AGPAT4: variants seen among roughly 807,000 people sequenced by gnomAD.
AGPAT4 encodes the protein 1-acylglycerol-3-phosphate O-acyltransferase 4.
In AGPAT4, 15 loss-of-function variants were observed where a neutral mutation model predicts 48.0. The ratio of observed to expected loss-of-function variants is 0.31; its 90% CI spans 0.21 to 0.48. The LOEUF is 0.48. Ranked by LOEUF, AGPAT4 falls within the 20% of genes least tolerant of loss-of-function variation. AGPAT4 has a pLI of 0.99. For synonymous variants in AGPAT4, 178 were observed against 198.7 expected, an observed-to-expected ratio of 0.90 and a Z score of 0.88; for missense variants, 314 against 482.5, an observed-to-expected ratio of 0.65 and a Z score of 3.27.
Position 161,267,732 on chromosome 6 carries a change from A to C in AGPAT4, c.-90+6206T>G, listed in dbSNP as rs1327711234. On this transcript the variant is annotated intron_variant, in intron 1 of 8. Coordinates refer to ENST00000320285, the MANE Select transcript of AGPAT4 (RefSeq NM_020133.3). The surrounding 1 kb of genome is among the most constrained non-coding windows in gnomAD (Gnocchi z 5.2). ...AACAAAACTCTGTCTCAAAAAAAAA[A>C]AGAAAAGAAAAATATTAGCTGGGCA... Among the ~76,000 whole-genome samples, 1 of 152,096 alleles carries C rather than the reference A, an allele frequency of 6.6e-6. No homozygotes were observed. The highest frequency in any genetic ancestry group is 2.4e-5 in the African/African-American group (1 of 41,424).
rs1024058039 is a variant in AGPAT4 at position 161,135,712 on chromosome 6, C to T, written c.*828G>A. The T allele has an allele frequency of 8.5e-5, 13 of 152,210 alleles. No homozygotes were observed. Among genetic ancestry groups the T allele is most frequent in the African/African-American group, 2.9e-4 (12 of 41,442 alleles). 9.4% of individuals were successfully genotyped at this position (152,210 alleles called of 1,614,324 possible). ...CATCTCACAAATCACTGCAGAATGC[C>T]CAGGCTGTACGTTCATGATGTTTGT... On this transcript the variant is annotated 3_prime_UTR_variant, in exon 9 of 9. Coordinates refer to ENST00000320285, the MANE Select transcript of AGPAT4 (RefSeq NM_020133.3).
intron 5 of AGPAT4, among the ~76,000 whole-genome samples, chr6:161,150,698 CTG>C (rs1779564390): frequency 6.6e-6 from 1 of 152,212 alleles, no homozygotes; most frequent in African/African-American, 2.4e-5. Flanking sequence ...GAAGGCGGGA[CTG>C]TTCTCCTGAG....
At chr6:161,160,104 A>ATTTTTTTTTTTTTTTTTTT (rs5881394) in intron 3 of AGPAT4, 2 of 74,008 alleles carry the variant, frequency 2.7e-5, no homozygotes, top group Non-Finnish European at 4.8e-5. Flanking sequence ...CACCCAGCTA[A>ATTTTTTTTTTTTTTTTTTT]TTTTTTTTTT....
At chr6:161,207,735 G>T (rs1192336390) in intron 2 of AGPAT4, among the ~76,000 whole-genome samples, 1 of 152,184 alleles carries the variant, frequency 6.6e-6, no homozygotes, top group African/African-American at 2.4e-5. Context: ...GGGGAAATGG[G>T]GATGGAGTGG....
rs1291066356 is a variant in AGPAT4, at chr6:161,197,444, C to G, written c.179-31027G>C. Among the ~76,000 whole-genome samples, 1 of 152,176 alleles carries G rather than the reference C, an allele frequency of 6.6e-6. No homozygotes were observed. The highest frequency in any genetic ancestry group is 1.5e-5 in the Non-Finnish European group (1 of 68,030). Reference sequence around the variant, plus strand: ...CAACATCTAAACCTAGTTGGCCCCTCCTCTGGGAAATCTTCCACAGTGATA... The same window carrying G: ...CAACATCTAAACCTAGTTGGCCCCTGCTCTGGGAAATCTTCCACAGTGATA... On this transcript the variant is annotated intron_variant, in intron 2 of 8. Transcript: ENST00000320285. This position sits in a 1 kb window ranked among gnomAD's most constrained non-coding sequence, Gnocchi z 5.7.
intron 1 of AGPAT4, among the ~76,000 whole-genome samples, chr6:161,271,983 A>T (rs1783438207): frequency 6.6e-6 from 1 of 152,190 alleles, no homozygotes; most frequent in South Asian, 2.1e-4. Context: ...GTGTACTAAC[A>T]TGTGCTTTTC....
In AGPAT4 at chr6:161,214,656, C is replaced by G. The variant is rs915965377; in HGVS notation, c.178+17380G>C. Among the ~76,000 whole-genome samples, 6 of 152,186 alleles carry G rather than the reference C, an allele frequency of 3.9e-5. No individual in the cohort carries two copies. Among genetic ancestry groups the G allele is most frequent in the Admixed American group, 6.5e-5 (1 of 15,280 alleles). On this transcript the variant is annotated intron_variant, in intron 2 of 8. Coordinates refer to ENST00000320285, the MANE Select transcript of AGPAT4 (RefSeq NM_020133.3). The surrounding 1 kb of genome is among the most constrained non-coding windows in gnomAD (Gnocchi z 5.4). ...TGGTGGCACACACCTGTAGTCCCAG[C>G]TACTCGGGAGGCTGAGGCAGGAGAA...
chr6:161,137,193 A>T lies in AGPAT4; in HGVS notation c.1043-559T>A, dbSNP rs918769252. On this transcript the variant is annotated intron_variant, in intron 8 of 8. Transcript: ENST00000320285. The surrounding 1 kb of genome is among the most constrained non-coding windows in gnomAD (Gnocchi z 6.1). ...AGGACCCTCGTGGGAGCCCAGTTTAATATAGGAAGCTGGAAAGCAGGGCCT... is the reference window on the plus strand; with the variant it reads ...AGGACCCTCGTGGGAGCCCAGTTTATTATAGGAAGCTGGAAAGCAGGGCCT... Among the ~76,000 whole-genome samples, 17 of 152,178 alleles carry T rather than the reference A, an allele frequency of 1.1e-4. No individual in the cohort carries two copies. Among genetic ancestry groups the T allele is most frequent in the African/African-American group, 4.1e-4 (17 of 41,442 alleles).
In AGPAT4 at chr6:161,225,129, C is replaced by T. The variant is rs1781939753; in HGVS notation, c.178+6907G>A. On this transcript the variant is annotated intron_variant, in intron 2 of 8. Transcript: ENST00000320285. The surrounding 1 kb of genome is among the most constrained non-coding windows in gnomAD (Gnocchi z 5.0). ...TACCCAGACTCATTCGGATTACCTG[C>T]TCCACCCTGACTCCTTCCGATGACC... 1.3e-5 allele frequency among the ~76,000 whole-genome samples: 2 copies of T among 151,930 alleles called. No individual in the cohort carries two copies. Among genetic ancestry groups the T allele is most frequent in the Admixed American group, 1.3e-4 (2 of 15,252 alleles).
intron 2 of AGPAT4, among the ~76,000 whole-genome samples, chr6:161,182,075 C>A (rs549148643): frequency 6.6e-6 from 1 of 152,056 alleles, no homozygotes; most frequent in Admixed American, 6.6e-5. Flanking sequence ...CCATCTTTGA[C>A]CCCGACCAGT....
intron 3 of AGPAT4, among the ~76,000 whole-genome samples, chr6:161,163,676 A>AGCACCT (rs1780004496): frequency 6.6e-6 from 1 of 152,104 alleles, no homozygotes; most frequent in Non-Finnish European, 1.5e-5. Context: ...TGCTCTCTCT[A>AGCACCT]GCTCCTTGCT....
At position 161,140,475 on chromosome 6, in the gene AGPAT4, A is replaced by G. The variant is rs1386527197; in HGVS notation, c.844-855T>C. Among the ~76,000 whole-genome samples the G allele has an allele frequency of 1.3e-5, 2 of 152,224 alleles. No individual in the cohort carries two copies. The highest frequency in any genetic ancestry group is 1.9e-4 in the East Asian group (1 of 5,196). On this transcript the variant is annotated intron_variant, in intron 7 of 8. Coordinates refer to ENST00000320285, the MANE Select transcript of AGPAT4 (RefSeq NM_020133.3). This position sits in a 1 kb window ranked among gnomAD's most constrained non-coding sequence, Gnocchi z 6.5. ...CTCCTTGCAGTCCCTGGGTGAGAAC[A>G]GGGGACTCACGGCCCCACATAAATG...
chr6:161,186,324 C>A (rs147725803), intron 2 of AGPAT4, among the ~76,000 whole-genome samples: 1 of 152,186 alleles, frequency 6.6e-6, no homozygotes, highest in African/African-American at 2.4e-5. Flanking sequence ...AGGCAGTCCA[C>A]GAGAAACCCT....
intron 3 of AGPAT4, among the ~76,000 whole-genome samples, chr6:161,157,773 G>A (rs1446284570): frequency 6.6e-6 from 1 of 152,186 alleles, no homozygotes; most frequent in African/African-American, 2.4e-5. Flanking sequence ...CTGAAGAAAT[G>A]TCACTCAATT....
chr6:161,243,712 C>T lies in AGPAT4; in HGVS notation c.-89-11410G>A, dbSNP rs1782566819. On this transcript the variant is annotated intron_variant, in intron 1 of 8. Coordinates refer to ENST00000320285, the MANE Select transcript of AGPAT4 (RefSeq NM_020133.3). The surrounding 1 kb of genome is among the most constrained non-coding windows in gnomAD (Gnocchi z 4.8). ...CTCTCCCGGGCTGACCGGTCTCCTC[C>T]TTCCCTTGACCCCTTCTCCCTGGCC... Among the ~76,000 whole-genome samples the T allele has an allele frequency of 6.6e-6, 1 of 152,206 alleles. No individual in the cohort carries two copies. The highest frequency in any genetic ancestry group is 1.5e-5 in the Non-Finnish European group (1 of 68,030).
chr6:161,130,112 C>T lies in AGPAT4; in HGVS notation c.*6428G>A, dbSNP rs1004342731. 33 of 152,164 alleles carry T rather than the reference C, an allele frequency of 2.2e-4. No homozygotes were observed. Among genetic ancestry groups the T allele is most frequent in the African/African-American group, 7.2e-4 (30 of 41,426 alleles). 9.4% of individuals were successfully genotyped at this position (152,164 alleles called of 1,614,324 possible). On this transcript the variant is annotated 3_prime_UTR_variant, in exon 9 of 9. Transcript: ENST00000320285. ...GGAAAGATTGCTACACATGACAGAG[C>T]GACAGTACCCTAGGGTGACATGACA... is the stretch of plus-strand genomic sequence containing the variant.
chr6:161,213,038 AG>A (rs1444779829), intron 2 of AGPAT4, among the ~76,000 whole-genome samples: 2 of 152,222 alleles, frequency 1.3e-5, no homozygotes, highest in Non-Finnish European at 2.9e-5. Flanking sequence ...TTGTCTACAC[AG>A]CCCCTGCACA....
At chr6:161,252,595 G>A (rs1782833136) in intron 1 of AGPAT4, among the ~76,000 whole-genome samples, 1 of 151,894 alleles carries the variant, frequency 6.6e-6, no homozygotes, top group South Asian at 2.1e-4. Context: ...AGGCCAAGGC[G>A]GGAGATCTCT....
chr6:161,175,733 T>C (rs1780410524), intron 2 of AGPAT4, among the ~76,000 whole-genome samples: 1 of 152,194 alleles, frequency 6.6e-6, no homozygotes, highest in South Asian at 2.1e-4. Context: ...GATGTTAGGG[T>C]GTCAATTTTA....
Sources: allele counts gnomAD v4.1 joint callset (sites outside exome capture counted in the v4.1 genomes callset), GRCh38; gene constraint gnomAD v4.1.1; non-coding constraint Gnocchi (gnomAD v3.1); transcripts MANE v1.5; gene names NCBI Gene and HGNC (gene_info 2026-07-23, HGNC 2026-07-21).